KIRREL3: variants seen among roughly 807,000 people sequenced by gnomAD.
KIRREL3 encodes kin of IRRE-like protein 3.
In KIRREL3, 36 loss-of-function variants were observed where a neutral mutation model predicts 89.7. The ratio of observed to expected loss-of-function variants is 0.40; its 90% CI spans 0.31 to 0.53. The LOEUF (loss-of-function observed/expected upper bound fraction) is 0.53, where lower values mean the gene tolerates loss of function less well. Ranked by LOEUF, KIRREL3 falls within the 20% of genes least tolerant of loss-of-function variation. The pLI is 0.49. For missense variants in KIRREL3, 864 were observed against 1,056.6 expected (o/e 0.82, Z 2.53); for synonymous variants, 445 against 441.4 (o/e 1.01, Z -0.10).
At chr11:126,547,840 G>A (rs758377994) in intron 2 of KIRREL3, among the ~76,000 whole-genome samples, 2 of 152,136 alleles carry the variant, frequency 1.3e-5, no homozygotes, top group South Asian at 2.1e-4. Context: ...TATCCTCGTC[G>A]CCCAGACACA....
At chr11:126,514,943 C>T (rs1213953901) in intron 4 of KIRREL3, among the ~76,000 whole-genome samples, 1 of 152,200 alleles carries the variant, frequency 6.6e-6, no homozygotes, top group Non-Finnish European at 1.5e-5. Flanking sequence ...TCAGTGTAAA[C>T]TCCCCCTAAA....
intron 1 of KIRREL3, among the ~76,000 whole-genome samples, chr11:126,927,969 AG>A (rs745329081): frequency 1.5e-4 from 23 of 152,260 alleles, no homozygotes; most frequent in Non-Finnish European, 2.9e-4. Context: ...TTATAAGTGG[AG>A]AATTTCAATG....
chr11:126,777,412 G>T (rs1030058812), intron 1 of KIRREL3, among the ~76,000 whole-genome samples: 1 of 152,110 alleles, frequency 6.6e-6, no homozygotes, highest in Non-Finnish European at 1.5e-5. Flanking sequence ...AAGAGATGAG[G>T]CTGAAAATGT....
chr11:126,673,768 AATGT>A (rs1946063853), intron 1 of KIRREL3, among the ~76,000 whole-genome samples: 1 of 152,176 alleles, frequency 6.6e-6, no homozygotes, highest in Non-Finnish European at 1.5e-5. Flanking sequence ...TCCACTGAGA[AATGT>A]ATTAATCCTT....
At chr11:126,980,055 G>T (rs757697974) in intron 1 of KIRREL3, among the ~76,000 whole-genome samples, 24 of 152,184 alleles carry the variant, frequency 1.6e-4, no homozygotes, top group Non-Finnish European at 2.9e-5. Flanking sequence ...CATTATGTCG[G>T]CAGAGAAGAA....
Position 126,450,938 on chromosome 11 carries a change from T to A in KIRREL3, c.849-1781A>T, listed in dbSNP as rs200597094. Among the ~76,000 whole-genome samples the A allele has an allele frequency of 3.8e-4, 57 of 150,520 alleles. No homozygotes were observed. In the East Asian group the frequency reaches 0.01, roughly 27 times the overall value. On this transcript the variant is annotated intron_variant, in intron 7 of 16. Transcript: ENST00000525144. ...GTCCACGTGCATGTGTGCATGTGTG[T>A]GGGCGTGTGTGCATGTGTGAGCGTG... is the stretch of plus-strand genomic sequence containing the variant.
At chr11:126,887,488 G>T (rs965706704) in intron 1 of KIRREL3, among the ~76,000 whole-genome samples, 2 of 152,136 alleles carry the variant, frequency 1.3e-5, no homozygotes, top group African/African-American at 4.8e-5. Context: ...GAAGTCAGAA[G>T]GGTCACTGCT....
chr11:126,799,213 T>A (rs1302906572), intron 1 of KIRREL3, among the ~76,000 whole-genome samples: 3 of 150,808 alleles, frequency 2.0e-5, no homozygotes, highest in Non-Finnish European at 4.4e-5. Context: ...CATGTGTGTA[T>A]CTGTGTGTGT....
chr11:126,510,844 G>A (rs1422567931), intron 4 of KIRREL3, among the ~76,000 whole-genome samples: 2 of 152,188 alleles, frequency 1.3e-5, no homozygotes, highest in Non-Finnish European at 2.9e-5. Context: ...GATTGGGTCT[G>A]GTGCTGCTGG....
At chr11:126,759,274 C>T (rs542355092) in intron 1 of KIRREL3, among the ~76,000 whole-genome samples, 1 of 152,222 alleles carries the variant, frequency 6.6e-6, no homozygotes, top group Non-Finnish European at 1.5e-5. Flanking sequence ...GGATTACAGG[C>T]ACCCGCCACC....
In KIRREL3 at chr11:126,459,104, G is replaced by T. The variant is rs1956467045; in HGVS notation, c.743-2650C>A. On this transcript the variant is annotated intron_variant, in intron 6 of 16. Coordinates refer to ENST00000525144, the MANE Select transcript of KIRREL3 (RefSeq NM_032531.4). The surrounding 1 kb of genome is among the most constrained non-coding windows in gnomAD (Gnocchi z 4.8). ...AAACGCATTGCTGGCCCGTGCCCTC[G>T]CATTATAAAGGCCAACGCTGGGACG... Among the ~76,000 whole-genome samples, 2 of 152,064 alleles carry T rather than the reference G, an allele frequency of 1.3e-5. No homozygotes were observed. Among genetic ancestry groups the T allele is most frequent in the South Asian group, 4.1e-4 (2 of 4,820 alleles).
Position 126,612,668 on chromosome 11 carries a change from T to C in KIRREL3, c.56-49756A>G, listed in dbSNP as rs1161420900. Among the ~76,000 whole-genome samples the C allele has an allele frequency of 1.3e-5, 2 of 152,190 alleles. No homozygotes were observed. Among genetic ancestry groups the C allele is most frequent in the Admixed American group, 6.5e-5 (1 of 15,276 alleles). On this transcript the variant is annotated intron_variant, in intron 1 of 16. Coordinates refer to ENST00000525144, the MANE Select transcript of KIRREL3 (RefSeq NM_032531.4). The surrounding 1 kb of genome is among the most constrained non-coding windows in gnomAD (Gnocchi z 4.5). ...CCACACCCATCACTCCCCATTTCTGTCCCCGTCGGTAGCCATTAACCCACT... is the reference window on the plus strand; with the variant it reads ...CCACACCCATCACTCCCCATTTCTGCCCCCGTCGGTAGCCATTAACCCACT...
At chr11:126,922,045 CCTAT>C (rs913883814) in intron 1 of KIRREL3, among the ~76,000 whole-genome samples, 27 of 131,292 alleles carry the variant, frequency 2.1e-4, no homozygotes, top group African/African-American at 6.0e-4. Flanking sequence ...TATCTATCTT[CCTAT>C]CTATCTATCC....
chr11:126,497,289 T>TGAGA (rs138364553), intron 4 of KIRREL3, among the ~76,000 whole-genome samples: 3 of 150,672 alleles, frequency 2.0e-5, no homozygotes, highest in Admixed American at 6.6e-5. Context: ...GGTGTGTGTG[T>TGAGA]GAGAGAGAGA....
At chr11:126,440,114 C>G (rs1373000167) in intron 11 of KIRREL3, 1 of 526,238 alleles carries the variant, frequency 1.9e-6, no homozygotes, top group African/African-American at 1.9e-5. Flanking sequence ...TAAAGACTGG[C>G]CTGGAGCCCA....
At chr11:126,825,885 T>C (rs1324479270) in intron 1 of KIRREL3, among the ~76,000 whole-genome samples, 2 of 152,152 alleles carry the variant, frequency 1.3e-5, no homozygotes, top group South Asian at 4.1e-4. Flanking sequence ...GTTAATCAGG[T>C]TGTCCTTTTC....
intron 1 of KIRREL3, among the ~76,000 whole-genome samples, chr11:126,963,452 A>G (rs1181253909): frequency 6.6e-6 from 1 of 152,204 alleles, no homozygotes; most frequent in Non-Finnish European, 1.5e-5. Flanking sequence ...CTCATTTATC[A>G]TAAGACGTGT....
rs1240947207 is a variant in KIRREL3 at position 126,860,650 on chromosome 11, G to A, written c.55+139805C>T. Among the ~76,000 whole-genome samples the A allele has an allele frequency of 1.3e-5, 2 of 152,230 alleles. No homozygotes were observed. Among genetic ancestry groups the A allele is most frequent in the Non-Finnish European group, 2.9e-5 (2 of 68,046 alleles). On this transcript the variant is annotated intron_variant, in intron 1 of 16. Transcript: ENST00000525144. This position sits in a 1 kb window ranked among gnomAD's most constrained non-coding sequence, Gnocchi z 4.6. Reference sequence around the variant, plus strand: ...TATAAACAACGTATAGTTGTTGAAGGTTTCTAGACAGAAGAATGGCTTGGG... The same window carrying A: ...TATAAACAACGTATAGTTGTTGAAGATTTCTAGACAGAAGAATGGCTTGGG...
rs1949210608 is a variant in KIRREL3, at chr11:126,748,009, C to T, written c.56-185097G>A. ...CTGACCCGTGCCTAGCATCGTGGCC[C>T]CTGTAAAGGGCTCTTCCATTAATAA... On this transcript the variant is annotated intron_variant, in intron 1 of 16. Transcript: ENST00000525144. This position sits in a 1 kb window ranked among gnomAD's most constrained non-coding sequence, Gnocchi z 4.6. Among the ~76,000 whole-genome samples the T allele has an allele frequency of 6.6e-6, 1 of 152,160 alleles. No homozygotes were observed. Among genetic ancestry groups the T allele is most frequent in the Non-Finnish European group, 1.5e-5 (1 of 68,034 alleles).
Sources: allele counts gnomAD v4.1 joint callset (sites outside exome capture counted in the v4.1 genomes callset), GRCh38; gene constraint gnomAD v4.1.1; non-coding constraint Gnocchi (gnomAD v3.1); transcripts MANE v1.5; gene names NCBI Gene and HGNC (gene_info 2026-07-23, HGNC 2026-07-21).